Variants in FARSB observed in about 807,000 individuals in gnomAD.
The protein encoded by FARSB is phenylalanyl-tRNA synthetase subunit beta.
In FARSB, 40 loss-of-function variants were observed where a neutral mutation model predicts 69.6. The ratio of observed to expected loss-of-function variants is 0.57; its 90% CI spans 0.45 to 0.75. The LOEUF is 0.75. FARSB is among the 30% of genes least tolerant of loss of function. FARSB has a pLI of 0.00. For missense variants in FARSB, 632 were observed against 722.9 expected, an observed-to-expected ratio of 0.87 and a Z score of 1.44; for synonymous variants, 235 against 247.2, an observed-to-expected ratio of 0.95 and a Z score of 0.46.
chr2:222,599,042 T>A (rs567257778), intron 16 of FARSB, among the ~76,000 whole-genome samples: 12 of 149,480 alleles, frequency 8.0e-5, no homozygotes, highest in Non-Finnish European at 1.6e-4. Context: ...AAACAAAAAT[T>A]AAACAACCAC....
chr2:222,646,270 C>T (rs1018905104), intron 2 of FARSB, among the ~76,000 whole-genome samples: 4 of 152,172 alleles, frequency 2.6e-5, no homozygotes, highest in African/African-American at 9.7e-5. Context: ...CTTCTACTTC[C>T]CGGTACTGCC....
intron 2 of FARSB, chr2:222,644,412 GGAAAA>G: frequency 5.5e-6 from 2 of 366,848 alleles, no homozygotes; most frequent in Non-Finnish European, 1.1e-5. Flanking sequence ...GTAAAAAGGG[GGAAAA>G]GAAAAGAAGG....
rs762100152 is a variant in FARSB at position 222,656,066 on chromosome 2, G to A, written c.8C>T (p.Thr3Ile). MP[T>I]VSVKRDLLFQ... is the part of the protein sequence containing the mutation. ...GAGCAGATCACGCTTCACGCTGACA[G>A]TCGGCATGGTGTGTCGAACTCACTG... The change falls in exon 1 of 17, where the codon ACT (threonine) becomes ATT (isoleucine). Residue 3 changes from threonine to isoleucine, a missense_variant. Transcript: ENST00000281828. 2 of 1,596,534 alleles carry A rather than the reference G, an allele frequency of 1.3e-6. No homozygotes were observed. Among genetic ancestry groups the A allele is most frequent in the East Asian group, 2.3e-5 (1 of 43,780 alleles).
rs750534044 is a variant in FARSB, at chr2:222,619,654, A to G, written c.1335T>C (p.Ala445=). The change falls in exon 14 of 17, where the codon GCT becomes GCC. Residue 445 remains alanine (A), a synonymous_variant. Transcript: ENST00000281828. ...TACTTAAAATTCTTACCTGAAATTCAGCTGTTTTAGGATTACTTATGTGGA... is the reference window on the plus strand; with the variant it reads ...TACTTAAAATTCTTACCTGAAATTCGGCTGTTTTAGGATTACTTATGTGGA... ...KAVHISNPKT[A]EFQVARTTLL... The G allele has an allele frequency of 1.9e-6, 3 of 1,565,312 alleles. No homozygotes were observed. The highest frequency in any genetic ancestry group is 1.1e-5 in the South Asian group (1 of 89,886).
chr2:222,643,814 G>A (rs1180712319), intron 2 of FARSB, among the ~76,000 whole-genome samples: 1 of 152,206 alleles, frequency 6.6e-6, no homozygotes, highest in Non-Finnish European at 1.5e-5. Flanking sequence ...CACGTTTAAT[G>A]CAGTGGCAAA....
At chr2:222,599,119 T>A (rs1445914437) in intron 16 of FARSB, among the ~76,000 whole-genome samples, 2 of 152,160 alleles carry the variant, frequency 1.3e-5, no homozygotes, top group African/African-American at 4.8e-5. Context: ...CAAATCTCAT[T>A]ACTAACTGTT....
At chr2:222,578,577 C>T (rs574604318) in intron 16 of FARSB, among the ~76,000 whole-genome samples, 26 of 152,152 alleles carry the variant, frequency 1.7e-4, no homozygotes, top group African/African-American at 5.5e-4. Flanking sequence ...CGGTGGCTCA[C>T]GCCTGTAATC....
chr2:222,633,091 TTA>T (rs1691477983), intron 7 of FARSB, 106 bp downstream of exon 7: 2 of 717,940 alleles, frequency 2.8e-6, no homozygotes, highest in African/African-American at 3.6e-5. Context: ...GATACTCAGA[TTA>T]TGAGTTATTT....
chr2:222,604,722 A>ATTTTTT (rs56201038), intron 15 of FARSB, among the ~76,000 whole-genome samples: 14 of 110,718 alleles, frequency 1.3e-4, no homozygotes, highest in South Asian at 3.3e-4. Context: ...TGCCCACTGA[A>ATTTTTT]TTTTTTTTTT....
At chr2:222,628,081 C>A (rs934877550) in intron 10 of FARSB, among the ~76,000 whole-genome samples, 1 of 152,216 alleles carries the variant, frequency 6.6e-6, no homozygotes, top group African/African-American at 2.4e-5. Flanking sequence ...CTAAATTAGT[C>A]TTAATAATAC....
chr2:222,643,384 C>T (rs1415409573), intron 2 of FARSB, among the ~76,000 whole-genome samples: 1 of 152,320 alleles, frequency 6.6e-6, no homozygotes, highest in South Asian at 2.1e-4. Flanking sequence ...CTGCTACTTA[C>T]ACACTGCAAT....
At chr2:222,572,951 CA>C (rs1328526386) in intron 16 of FARSB, among the ~76,000 whole-genome samples, 1 of 152,214 alleles carries the variant, frequency 6.6e-6, no homozygotes, top group East Asian at 1.9e-4. Context: ...CAGCTCCTGA[CA>C]GATTCAACAG....
In FARSB at chr2:222,623,723, A is replaced by G; in HGVS notation, c.1178T>C (p.Leu393Pro). The G allele has an allele frequency of 6.2e-7, 1 of 1,602,572 alleles. No homozygotes were observed. The highest frequency in any genetic ancestry group is 1.1e-5 in the South Asian group (1 of 89,748). ...TCGGAGAAGTTCAGTGAGCTTATTA[A>G]GAGGAAACTGAAAAAAAAAGCATCC... ...KTYTIANQFP[L>P]NKLTELLRHD... is the part of the protein sequence containing the mutation. The change falls in exon 13 of 17, where the codon CTT becomes CCT. Residue 393 changes from leucine to proline, a missense_variant. Leu to Pro is a moderately conservative substitution (Grantham distance 98). Coordinates refer to ENST00000281828, the MANE Select transcript of FARSB (RefSeq NM_005687.5).
intron 10 of FARSB, among the ~76,000 whole-genome samples, chr2:222,626,852 T>C (rs1212713649): frequency 6.6e-6 from 1 of 151,868 alleles, no homozygotes; most frequent in Non-Finnish European, 1.5e-5. Flanking sequence ...TCTAACATGG[T>C]GAAACCCCAT....
At chr2:222,587,255 C>G (rs1369287817) in intron 16 of FARSB, among the ~76,000 whole-genome samples, 1 of 152,204 alleles carries the variant, frequency 6.6e-6, no homozygotes, top group Non-Finnish European at 1.5e-5. Flanking sequence ...TCCTGAATGA[C>G]TACTGGGTAC....
At chr2:222,636,379 C>G (rs1691582148) in intron 5 of FARSB, among the ~76,000 whole-genome samples, 1 of 117,962 alleles carries the variant, frequency 8.5e-6, no homozygotes, top group Admixed American at 9.4e-5. Flanking sequence ...GTGCGAGACT[C>G]TATCTCAAAA....
chr2:222,587,570 C>T (rs548915754), intron 16 of FARSB, among the ~76,000 whole-genome samples: 2 of 152,214 alleles, frequency 1.3e-5, no homozygotes, highest in African/African-American at 4.8e-5. Context: ...AATCCAGGAG[C>T]TGGTTTTTTG....
chr2:222,654,396 T>C (rs1288626116), intron 1 of FARSB, among the ~76,000 whole-genome samples: 2 of 152,218 alleles, frequency 1.3e-5, no homozygotes, highest in African/African-American at 4.8e-5. Context: ...ATGTGAAATA[T>C]AAATCAATTT....
intron 13 of FARSB, among the ~76,000 whole-genome samples, chr2:222,622,590 A>G (rs890915248): frequency 3.3e-5 from 5 of 152,232 alleles, no homozygotes; most frequent in African/African-American, 9.6e-5. Flanking sequence ...GGATGCTCAC[A>G]ACTACAAATG....
Sources: gnomAD v4.1 joint callset for allele counts (sites outside exome capture counted in the v4.1 genomes callset) on GRCh38, gnomAD v4.1.1 for gene constraint, MANE v1.5 for transcripts, NCBI Gene and HGNC (gene_info 2026-07-23, HGNC 2026-07-21) for gene names.